The following MGAM variants were observed in gnomAD, a reference collection of about 807,000 sequenced individuals.
MGAM encodes the protein alpha-1,4-glucosidase.
MGAM carries 253 observed loss-of-function variants against 358.8 expected under a neutral mutation model. The observed-to-expected ratio is 0.71, with a 90% CI of 0.64 to 0.78. The LOEUF (loss-of-function observed/expected upper bound fraction) is 0.78. MGAM is among the 30% of genes least tolerant of loss of function. The pLI, the probability that MGAM is intolerant of heterozygous loss-of-function variation, is 0.00. For missense variants in MGAM, 3,080 were observed against 3,432.6 expected (o/e 0.90, Z 2.57); for synonymous variants, 1,105 against 1,227.1 (o/e 0.90, Z 2.08).
At chr7:141,986,892 A>G (rs190278084) in intron 2 of MGAM, among the ~76,000 whole-genome samples, 51 of 152,290 alleles carry the variant, frequency 3.3e-4, no homozygotes, top group African/African-American at 1.1e-3. Context: ...GGGGATGCCA[A>G]ACAATTGGGA....
At chr7:142,090,420 C>A (rs1815268229) in intron 57 of MGAM, among the ~76,000 whole-genome samples, 1 of 145,476 alleles carries the variant, frequency 6.9e-6, no homozygotes, top group African/African-American at 2.4e-5. Context: ...GTGAAAGATT[C>A]TCTTTGTCAG....
intron 57 of MGAM, among the ~76,000 whole-genome samples, chr7:142,087,328 T>C (rs1308529887): frequency 6.9e-6 from 1 of 145,974 alleles, no homozygotes; most frequent in Non-Finnish European, 1.5e-5. Context: ...TGGATCCAAG[T>C]AGCCCATGCT....
Position 142,056,869 on chromosome 7 carries a change from C to T in MGAM, c.3620C>T (p.Thr1207Ile). The change falls in exon 30 of 71, where the codon ACC (threonine) becomes ATC (isoleucine). Residue 1207 changes from threonine to isoleucine, a missense_variant. Thr to Ile is a moderately conservative substitution (Grantham distance 89). This residue lies in a region of MGAM where 1,816 missense variants were observed against 1,840.5 expected (regional missense o/e 0.99). Coordinates refer to ENST00000475668, the MANE Select transcript of MGAM (RefSeq NM_001365693.1). ...FQPLPALTYR[T>I]TGGVLDFYVF... Reference sequence around the variant, plus strand: ...CCCCTGCCTGCCTTGACATACCGCACCACAGGGGGAGTTCTGGACTTTTAT... The same window carrying T: ...CCCCTGCCTGCCTTGACATACCGCATCACAGGGGGAGTTCTGGACTTTTAT... 1 of 1,613,866 alleles carries T rather than the reference C, an allele frequency of 6.2e-7. No homozygotes were observed. The highest frequency in any genetic ancestry group is 8.5e-7 in the Non-Finnish European group (1 of 1,179,856).
chr7:142,042,019 A>G lies in MGAM; in HGVS notation c.2498+1173A>G, dbSNP rs1427898867. On this transcript the variant is annotated intron_variant, in intron 21 of 70. Coordinates refer to ENST00000475668, the MANE Select transcript of MGAM (RefSeq NM_001365693.1). Reference sequence around the variant, plus strand: ...ATATATTATATATATAATATAATATATATATATTATATTATATACATATAA... The same window carrying G: ...ATATATTATATATATAATATAATATGTATATATTATATTATATACATATAA... Among the ~76,000 whole-genome samples, 5 of 22,166 alleles carry G rather than the reference A, an allele frequency of 2.3e-4. No homozygotes were observed. The Admixed American group carries it at 2.8e-3, about 12-fold the overall frequency. 14.5% of individuals were successfully genotyped at this position (22,166 alleles called of 152,430 possible).
At chr7:142,052,580 T>C in intron 25 of MGAM, 134 bp downstream of exon 25, 1 of 1,371,460 alleles carries the variant, frequency 7.3e-7, no homozygotes, top group Non-Finnish European at 9.8e-7. Flanking sequence ...GATCTAGATG[T>C]GACAAGTAGG....
intron 31 of MGAM, among the ~76,000 whole-genome samples, chr7:142,058,708 A>G (rs1036528421): frequency 3.3e-5 from 5 of 152,240 alleles, no homozygotes; most frequent in Admixed American, 2.6e-4. Context: ...ACCACAAATC[A>G]ATCAGACAAT....
chr7:142,017,619 C>G (rs1400749823), intron 3 of MGAM, among the ~76,000 whole-genome samples: 1 of 151,574 alleles, frequency 6.6e-6, no homozygotes, highest in East Asian at 1.9e-4. Flanking sequence ...ACTTTTTTTT[C>G]TTTTTATGCT....
intron 21 of MGAM, among the ~76,000 whole-genome samples, chr7:142,042,108 T>A (rs180796608): frequency 1.5e-5 from 1 of 65,928 alleles, no homozygotes; most frequent in African/African-American, 9.6e-5. Flanking sequence ...ATACATATAA[T>A]ATATAATATA....
At chr7:142,036,570 G>A (rs978606135) in intron 17 of MGAM, among the ~76,000 whole-genome samples, 1 of 152,242 alleles carries the variant, frequency 6.6e-6, no homozygotes, top group East Asian at 1.9e-4. Flanking sequence ...TAAATAAGAA[G>A]CAAACAAGGA....
chr7:142,096,345 A>G lies in MGAM; in HGVS notation c.7622A>G (p.Gln2541Arg), dbSNP rs1815904419. 3 of 1,613,532 alleles carry G rather than the reference A, an allele frequency of 1.9e-6. No individual in the cohort carries two copies. The highest frequency in any genetic ancestry group is 1.3e-5 in the African/African-American group (1 of 74,902). Residue 2541 changes from glutamine to arginine, a missense_variant, in exon 65 of 71, where the codon CAG becomes CGG. Transcript: ENST00000475668. ...TCCCTTTCCAGGTTTGTGTCAGACC[A>G]GGTGACATGGGACATAGACAGTCAG... is the stretch of plus-strand genomic sequence containing the variant. ...RPLLHEFVSDQVTWDIDSQFL... is the reference protein window; with the variant it reads ...RPLLHEFVSDRVTWDIDSQFL...
At chr7:142,034,600 G>T in intron 15 of MGAM, 70 bp from the exon 16 acceptor site, 1 of 1,398,734 alleles carries the variant, frequency 7.1e-7, no homozygotes, top group Non-Finnish European at 9.9e-7. Flanking sequence ...CTTTTGTATT[G>T]TTGCTGTATC....
rs527293697 is a variant in MGAM, at chr7:142,052,681, C to A, written c.2959-103C>A. 2.1e-6 allele frequency: 3 copies of A among 1,421,672 alleles called. No homozygotes were observed. The South Asian group carries it at 3.8e-5, about 18-fold the overall frequency. The allele number at this position is 1,421,672 out of a possible 1,614,324, so 88.1% of individuals were successfully genotyped here. ...TTATTGCCAAGTGATAAGTGATGGG[C>A]TAGTTTTATCGTCATATAAAATGAC... is the stretch of plus-strand genomic sequence containing the variant. On this transcript the variant is annotated intron_variant, in intron 25 of 70. Transcript: ENST00000475668.
intron 26 of MGAM, 99 bp from the exon 27 acceptor site, chr7:142,054,655 T>C (rs889492684): frequency 1.0e-5 from 13 of 1,251,184 alleles, no homozygotes; most frequent in Non-Finnish European, 1.4e-5. Flanking sequence ...GATAGAAACA[T>C]AGCATCTGAA....
intron 11 of MGAM, 46 bp from the exon 12 acceptor site, chr7:142,030,595 C>G: frequency 6.2e-7 from 1 of 1,602,218 alleles, no homozygotes; most frequent in African/African-American, 1.3e-5. Context: ...CTTTCAGTGC[C>G]TCCGGTTTCC....
At chr7:142,092,250 C>T (rs1029382421) in intron 58 of MGAM, among the ~76,000 whole-genome samples, 12 of 146,114 alleles carry the variant, frequency 8.2e-5, no homozygotes, top group African/African-American at 2.7e-4. Flanking sequence ...TACTATAAAA[C>T]CTCTGAGGCA....
chr7:142,062,574 C>T lies in MGAM; in HGVS notation c.4129C>T (p.Arg1377Ter), dbSNP rs761756111. ...LDWDSQVELYRAYVAFPDFFR... is the reference protein window; with the variant it reads ...LDWDSQVELY ...TTATATTTCTTTTTTATAGCTATAT[C>T]GAGCTTATGTGGCCTTCCCAGACTT... is the stretch of plus-strand genomic sequence containing the variant. Residue 1377 changes from arginine to a stop codon, truncating the protein, a stop_gained, in exon 35 of 71, where the codon CGA (arginine) becomes TGA (stop). Transcript: ENST00000475668. LOFTEE classifies it high-confidence loss of function. 35 of 1,586,316 alleles carry T rather than the reference C, an allele frequency of 2.2e-5. No individual in the cohort carries two copies. The highest frequency in any genetic ancestry group is 4.6e-5 in the South Asian group (4 of 86,610).
Position 142,036,827 on chromosome 7 carries a change from A to G in MGAM, c.2081A>G (p.Gln694Arg), listed in dbSNP as rs1554466065. Residue 694 changes from glutamine (Q) to arginine (R), a missense_variant, in exon 18 of 71, where the codon CAG becomes CGG. Around this residue, in one of 5 missense-constraint regions of MGAM, gnomAD observed 1,816 missense variants for 1,840.5 expected, o/e 0.99. Coordinates refer to ENST00000475668, the MANE Select transcript of MGAM (RefSeq NM_001365693.1). ...RNHNGQGYKD[Q>R]DPASFGADSL... ...CAAACTCCTATTTCCTCCCAGGACC[A>G]GGATCCTGCCTCCTTTGGAGCTGAC... The G allele has an allele frequency of 3.7e-6, 6 of 1,613,328 alleles. No homozygotes were observed. The highest frequency in any genetic ancestry group is 1.1e-5 in the South Asian group (1 of 91,018).
Position 142,085,895 on chromosome 7 carries a change from G to T in MGAM, c.6570G>T (p.Lys2190Asn), listed in dbSNP as rs1300568899. The T allele has an allele frequency of 3.8e-6, 6 of 1,566,252 alleles. No individual in the cohort carries two copies. The highest frequency in any genetic ancestry group is 5.3e-6 in the Non-Finnish European group (6 of 1,141,442). ...AGCTGGACTTCACCCTCAGCCCCAAGTTTGCCGGGTTTCCAGCTCTGATCA... is the reference window on the plus strand; with the variant it reads ...AGCTGGACTTCACCCTCAGCCCCAATTTTGCCGGGTTTCCAGCTCTGATCA... ...ERQLDFTLSPKFAGFPALINR... is the reference protein window; with the variant it reads ...ERQLDFTLSPNFAGFPALINR... Residue 2190 changes from lysine (K) to asparagine (N), a missense_variant, in exon 55 of 71, where the codon AAG becomes AAT. By Grantham distance (94) the Lys-to-Asn change is moderately conservative. Around this residue, in one of 5 missense-constraint regions of MGAM, gnomAD observed 932 missense variants for 1,198.2 expected, o/e 0.78. Transcript: ENST00000475668.
chr7:142,031,130 A>T (rs191412643), intron 12 of MGAM, among the ~76,000 whole-genome samples: 1 of 152,126 alleles, frequency 6.6e-6, no homozygotes, highest in Non-Finnish European at 1.5e-5. Flanking sequence ...GAACTGTTTC[A>T]TACCTCTTCT....
Sources: allele counts gnomAD v4.1 joint callset (sites outside exome capture counted in the v4.1 genomes callset), GRCh38; gene constraint gnomAD v4.1.1; regional missense constraint gnomAD v4.1.1; transcripts MANE v1.5; gene names NCBI Gene and HGNC (gene_info 2026-07-23, HGNC 2026-07-21).